The following TRPC4 variants were observed in gnomAD, a reference collection of about 807,000 sequenced individuals.
TRPC4 encodes the protein short transient receptor potential channel 4.
In TRPC4, 49 loss-of-function variants were observed where a neutral mutation model predicts 99.4. That is an observed-to-expected ratio of 0.49 (90% CI 0.39 to 0.63). The LOEUF (loss-of-function observed/expected upper bound fraction) is 0.63. Ranked by LOEUF, TRPC4 falls within the 20% of genes least tolerant of loss-of-function variation. The pLI is 0.00. For missense variants in TRPC4, 898 were observed against 1,152.9 expected, an observed-to-expected ratio of 0.78 and a Z score of 3.20; for synonymous variants, 454 against 425.9, an observed-to-expected ratio of 1.07 and a Z score of -0.81.
At chr13:37,755,977 A>C (rs1956086985) in intron 2 of TRPC4, among the ~76,000 whole-genome samples, 1 of 152,138 alleles carries the variant, frequency 6.6e-6, no homozygotes, top group Non-Finnish European at 1.5e-5. Flanking sequence ...CACTTAAAAA[A>C]ACCCCTCAGG....
At chr13:37,729,895 A>G (rs1172819228) in intron 3 of TRPC4, among the ~76,000 whole-genome samples, 2 of 152,132 alleles carry the variant, frequency 1.3e-5, no homozygotes, top group Non-Finnish European at 2.9e-5. Flanking sequence ...AAGCAGTTCT[A>G]GAGTGGATCG....
At chr13:37,865,971 T>C (rs1176475263) in intron 1 of TRPC4, among the ~76,000 whole-genome samples, 1 of 151,780 alleles carries the variant, frequency 6.6e-6, no homozygotes, top group Non-Finnish European at 1.5e-5. Context: ...TTCTCATAAA[T>C]ATTGGCCCAT....
intron 4 of TRPC4, among the ~76,000 whole-genome samples, chr13:37,674,694 G>A (rs921177137): frequency 2.6e-5 from 4 of 152,048 alleles, no homozygotes; most frequent in Non-Finnish European, 5.9e-5. Context: ...TTTCTTAAAA[G>A]CAAATGTCTT....
At chr13:37,648,230 C>T (rs566641458) in intron 8 of TRPC4, among the ~76,000 whole-genome samples, 161 of 152,232 alleles carry the variant, frequency 1.1e-3, no homozygotes, top group Non-Finnish European at 1.8e-3. Context: ...TGTGAGCCGC[C>T]GCACCCAGCG....
chr13:37,842,391 C>T (rs370179466), intron 1 of TRPC4, among the ~76,000 whole-genome samples: 8 of 96,244 alleles, frequency 8.3e-5, no homozygotes, highest in African/African-American at 3.3e-4. Flanking sequence ...AAGTATAAAT[C>T]GGGGGCAGAT....
intron 6 of TRPC4, 89 bp from the exon 7 acceptor site, chr13:37,655,372 T>TAC: frequency 4.9e-6 from 2 of 405,300 alleles, no homozygotes. Context: ...TGATTATATA[T>TAC]ATATATATAT....
In TRPC4 at chr13:37,651,291, T is replaced by C; in HGVS notation, c.2053A>G (p.Lys685Glu). ...CCTATTGTTCCAAAACTTTCTGGCTTTCTTCTCATCTTTTTCTTGCACAAG... is the reference window on the plus strand; with the variant it reads ...CCTATTGTTCCAAAACTTTCTGGCTCTCTTCTCATCTTTTTCTTGCACAAG... Reference protein sequence around the residue: ...THLCKKKMRRKPESFGTIGRR... With the variant: ...THLCKKKMRREPESFGTIGRR... Residue 685 changes from lysine (K) to glutamate (E), a missense_variant, in exon 8 of 11, where the codon AAG becomes GAG. Transcript: ENST00000379705. 6.2e-7 allele frequency: 1 copy of C among 1,614,100 alleles called. No individual in the cohort carries two copies. The highest frequency in any genetic ancestry group is 1.1e-5 in the South Asian group (1 of 91,078).
intron 3 of TRPC4, among the ~76,000 whole-genome samples, chr13:37,715,438 G>A (rs914305106): frequency 3.3e-5 from 5 of 152,186 alleles, no homozygotes; most frequent in African/African-American, 1.2e-4. Flanking sequence ...AGAAAGATCT[G>A]TCTTTAAAAT....
chr13:37,815,277 C>T (rs1044802821), intron 1 of TRPC4, among the ~76,000 whole-genome samples: 1 of 151,678 alleles, frequency 6.6e-6, no homozygotes, highest in Non-Finnish European at 1.5e-5. Context: ...CAATATTAAC[C>T]TTGAAACTAA....
chr13:37,802,553 A>C (rs1957430504), intron 1 of TRPC4, among the ~76,000 whole-genome samples: 1 of 152,060 alleles, frequency 6.6e-6, no homozygotes, highest in South Asian at 2.1e-4. Context: ...TGATGTGGCC[A>C]TTTCAGTGTA....
At chr13:37,841,094 T>C (rs1958718955) in intron 1 of TRPC4, among the ~76,000 whole-genome samples, 1 of 152,100 alleles carries the variant, frequency 6.6e-6, no homozygotes, top group African/African-American at 2.4e-5. Flanking sequence ...AATTTAAAAG[T>C]AGTTGAAATT....
At position 37,866,091 on chromosome 13, in the gene TRPC4, C is replaced by G. The variant is rs13378430; in HGVS notation, c.-28+3504G>C. Reference sequence around the variant, plus strand: ...CATATTTCAAAATCTAACAGCAAACCACAGACAGAATATAATTAATGAATA... The same window carrying G: ...CATATTTCAAAATCTAACAGCAAACGACAGACAGAATATAATTAATGAATA... On this transcript the variant is annotated intron_variant, in intron 1 of 10. Coordinates refer to ENST00000379705, the MANE Select transcript of TRPC4 (RefSeq NM_016179.4). 4.7e-3 allele frequency among the ~76,000 whole-genome samples: 720 copies of G among 151,778 alleles called. 4 individuals carry two copies. Among genetic ancestry groups the G allele is most frequent in the African/African-American group, 0.016 (676 of 41,498 alleles).
chr13:37,682,477 C>T (rs9576338), intron 4 of TRPC4, among the ~76,000 whole-genome samples: 51,652 of 152,052 alleles, frequency 0.34, 9,162 homozygotes, highest in African/African-American at 0.37. Context: ...CTAAGAGGCA[C>T]TCAGTTAAGG....
At chr13:37,650,610 T>TCTACACACACACAC (rs763182248) in intron 8 of TRPC4, among the ~76,000 whole-genome samples, 134 of 65,112 alleles carry the variant, frequency 2.1e-3, no homozygotes, top group Middle Eastern at 7.4e-3. Context: ...TCTCTCTCTC[T>TCTACACACACACAC]ATACACACAC....
intron 1 of TRPC4, among the ~76,000 whole-genome samples, chr13:37,848,250 TCA>T (rs745898949): frequency 2.0e-5 from 3 of 152,154 alleles, no homozygotes; most frequent in Non-Finnish European, 4.4e-5. Flanking sequence ...TATACATATA[TCA>T]AGACATCACA....
chr13:37,739,110 C>T (rs76878258), intron 3 of TRPC4, among the ~76,000 whole-genome samples: 2,562 of 152,046 alleles, frequency 0.017, 47 homozygotes, highest in African/African-American at 0.052. Context: ...AAAGAAAAAC[C>T]GACATTTGCA....
chr13:37,791,149 T>G (rs960251879), intron 1 of TRPC4, among the ~76,000 whole-genome samples: 1 of 151,912 alleles, frequency 6.6e-6, no homozygotes, highest in African/African-American at 2.4e-5. Context: ...ATCCCAGCAC[T>G]TTGGGAGGCC....
chr13:37,707,752 G>A (rs1017626345), intron 3 of TRPC4, among the ~76,000 whole-genome samples: 3 of 152,120 alleles, frequency 2.0e-5, no homozygotes, highest in African/African-American at 4.8e-5. Flanking sequence ...TTTCTTTGCA[G>A]TGGAACCAAG....
chr13:37,749,577 T>C (rs1241184168), intron 2 of TRPC4, among the ~76,000 whole-genome samples: 4 of 152,048 alleles, frequency 2.6e-5, no homozygotes, highest in Non-Finnish European at 4.4e-5. Flanking sequence ...ATGAAGACAA[T>C]AAAAACAGAA....
Sources: gnomAD v4.1 joint callset for allele counts (sites outside exome capture counted in the v4.1 genomes callset) on GRCh38, gnomAD v4.1.1 for gene constraint, MANE v1.5 for transcripts, NCBI Gene and HGNC (gene_info 2026-07-23, HGNC 2026-07-21) for gene names.